The following EPB41L3 variants were observed in gnomAD, a reference collection of about 807,000 sequenced individuals.
EPB41L3 encodes band 4.1-like protein 3.
EPB41L3 carries 57 observed loss-of-function variants against 127.1 expected under a neutral mutation model. The ratio of observed to expected loss-of-function variants is 0.45; its 90% CI spans 0.36 to 0.56. The LOEUF (loss-of-function observed/expected upper bound fraction) is 0.56, where lower values mean the gene tolerates loss of function less well. Ranked by LOEUF, EPB41L3 falls within the 20% of genes least tolerant of loss-of-function variation. EPB41L3 has a pLI of 0.00. For missense variants in EPB41L3, 1,273 were observed against 1,372.2 expected (o/e 0.93, Z 1.14); for synonymous variants, 572 against 549.5 (o/e 1.04, Z -0.57).
intron 15 of EPB41L3, chr18:5,407,190 CAA>C (rs1479041952): frequency 3.7e-6 from 2 of 544,768 alleles, no homozygotes; most frequent in Non-Finnish European, 6.5e-6. Flanking sequence ...ACATGGATAC[CAA>C]AAGAATTTTA....
intron 3 of EPB41L3, among the ~76,000 whole-genome samples, chr18:5,570,005 G>A (rs2094256465): frequency 1.3e-5 from 2 of 152,150 alleles, no homozygotes; most frequent in Non-Finnish European, 2.9e-5. Flanking sequence ...GATGGTTATT[G>A]TAATTCTTAC....
chr18:5,628,021 A>C (rs1379726094), intron 1 of EPB41L3, among the ~76,000 whole-genome samples: 1 of 152,236 alleles, frequency 6.6e-6, no homozygotes, highest in Non-Finnish European at 1.5e-5. Context: ...TCCCAAGGTC[A>C]TTTAAGAACC....
chr18:5,529,192 C>T (rs1393875555), intron 1 of EPB41L3, among the ~76,000 whole-genome samples: 1 of 152,160 alleles, frequency 6.6e-6, no homozygotes, highest in African/African-American at 2.4e-5. Context: ...TTAAGCTGAG[C>T]TGCCTGTCAC....
In EPB41L3 at chr18:5,442,050, C is replaced by T. The variant is rs148759752; in HGVS notation, c.529+1788G>A. 7.8e-3 allele frequency among the ~76,000 whole-genome samples: 1,181 copies of T among 152,208 alleles called. 14 individuals are homozygous for T. The highest frequency in any genetic ancestry group is 0.026 in the African/African-American group (1,079 of 41,530). On this transcript the variant is annotated intron_variant, in intron 5 of 22. Coordinates refer to ENST00000341928, the MANE Select transcript of EPB41L3 (RefSeq NM_012307.5). The stretch of plus-strand genomic sequence containing the variant: ...CATGGTATTATGACTTATCCTTGAA[C>T]ATTTTATATATTTTCAAAGTACTTT...
intron 1 of EPB41L3, among the ~76,000 whole-genome samples, chr18:5,535,182 T>C (rs1269953764): frequency 6.6e-6 from 1 of 151,888 alleles, no homozygotes; most frequent in Non-Finnish European, 1.5e-5. Context: ...CCTGAAACCA[T>C]CCCCCACAAC....
At chr18:5,558,326 G>A (rs368936154) in intron 3 of EPB41L3, among the ~76,000 whole-genome samples, 77 of 152,260 alleles carry the variant, frequency 5.1e-4, no homozygotes, top group African/African-American at 1.6e-3. Flanking sequence ...ACAGATATGA[G>A]GACTTATTGG....
At chr18:5,395,310 C>A (rs750687392) in intron 20 of EPB41L3, among the ~76,000 whole-genome samples, 163 bp from the exon 21 acceptor site, 1 of 152,138 alleles carries the variant, frequency 6.6e-6, no homozygotes, top group Non-Finnish European at 1.5e-5. Context: ...GAGGTGAGGA[C>A]GGAATGGAGG....
intron 2 of EPB41L3, among the ~76,000 whole-genome samples, chr18:5,483,633 C>A (rs1427888047): frequency 2.0e-5 from 3 of 151,372 alleles, no homozygotes; most frequent in East Asian, 1.9e-4. Context: ...GAAAAAAAAA[C>A]CATTCTATAC....
chr18:5,474,487 G>A (rs543842702), intron 3 of EPB41L3, among the ~76,000 whole-genome samples: 1 of 152,098 alleles, frequency 6.6e-6, no homozygotes, highest in East Asian at 1.9e-4. Flanking sequence ...GTGGAGGTGT[G>A]TTGCCAGGGA....
At chr18:5,404,310 A>C (rs553265503) in intron 16 of EPB41L3, among the ~76,000 whole-genome samples, 2 of 152,176 alleles carry the variant, frequency 1.3e-5, no homozygotes, top group Non-Finnish European at 2.9e-5. Flanking sequence ...CTATGTCTCC[A>C]TTCACAGTGT....
chr18:5,625,026 A>C (rs1431681391), intron 1 of EPB41L3, among the ~76,000 whole-genome samples: 7 of 152,154 alleles, frequency 4.6e-5, no homozygotes. Context: ...AAAGGCATGC[A>C]TAGGAACTGG....
intron 3 of EPB41L3, among the ~76,000 whole-genome samples, chr18:5,452,122 G>T (rs1273062718): frequency 6.6e-6 from 1 of 152,098 alleles, no homozygotes; most frequent in Non-Finnish European, 1.5e-5. Context: ...TGAGATACAG[G>T]CATGAGCCAC....
chr18:5,544,868 G>A (rs916154795), upstream of EPB41L3, among the ~76,000 whole-genome samples: 1 of 152,042 alleles, frequency 6.6e-6, no homozygotes, highest in Non-Finnish European at 1.5e-5. Flanking sequence ...ATTACACATT[G>A]CATGCCTGTA....
chr18:5,410,694 C>G (rs1490009673), intron 13 of EPB41L3, 75 bp from the exon 14 acceptor site: 4 of 1,203,016 alleles, frequency 3.3e-6, no homozygotes, highest in Non-Finnish European at 3.7e-6. Context: ...TAAACACGCT[C>G]TGGCACAGGT....
chr18:5,466,214 AT>A (rs1358788810), intron 3 of EPB41L3: 1 of 152,220 alleles, frequency 6.6e-6, no homozygotes, highest in Non-Finnish European at 1.5e-5. Flanking sequence ...ATTTCACTGC[AT>A]TTTAATATCT....
chr18:5,437,110 G>A lies in EPB41L3; in HGVS notation c.605+925C>T, dbSNP rs559086338. On this transcript the variant is annotated intron_variant, in intron 6 of 22. Coordinates refer to ENST00000341928, the MANE Select transcript of EPB41L3 (RefSeq NM_012307.5). ...AAGCCTAGAAGGTCAGAGCACACCAGAACAATGAACTGAGTGTCTGTGTCT... is the reference window on the plus strand; with the variant it reads ...AAGCCTAGAAGGTCAGAGCACACCAAAACAATGAACTGAGTGTCTGTGTCT... 2.8e-4 allele frequency among the ~76,000 whole-genome samples: 43 copies of A among 152,286 alleles called. No homozygotes were observed. The East Asian group carries it at 7.9e-3, about 28-fold the overall frequency.
At chr18:5,514,017 A>C (rs188399888) in intron 1 of EPB41L3, among the ~76,000 whole-genome samples, 404 of 152,374 alleles carry the variant, frequency 2.7e-3, no homozygotes, top group Non-Finnish European at 4.7e-3. Context: ...TCATGTTACT[A>C]CAGAGGCCAA....
At chr18:5,553,620 C>T (rs975269722) in intron 3 of EPB41L3, among the ~76,000 whole-genome samples, 1 of 152,184 alleles carries the variant, frequency 6.6e-6, no homozygotes, top group Non-Finnish European at 1.5e-5. Flanking sequence ...AGGGCAAAGG[C>T]GAATGCTCTC....
intron 3 of EPB41L3, among the ~76,000 whole-genome samples, chr18:5,447,306 T>C (rs1465278621): frequency 6.6e-6 from 1 of 152,164 alleles, no homozygotes; most frequent in African/African-American, 2.4e-5. Context: ...GAATAACTAA[T>C]GTAGAGCAGA....
Sources: gnomAD v4.1 joint callset for allele counts (sites outside exome capture counted in the v4.1 genomes callset) on GRCh38, gnomAD v4.1.1 for gene constraint, MANE v1.5 for transcripts, NCBI Gene and HGNC (gene_info 2026-07-23, HGNC 2026-07-21) for gene names.